Variants in FNBP1L observed in about 807,000 individuals in gnomAD.
FNBP1L encodes formin-binding protein 1-like.
Under a neutral mutation model 91.2 loss-of-function variants are expected in FNBP1L, and 36 were observed. The observed-to-expected ratio is 0.39, with a 90% CI of 0.30 to 0.52. The LOEUF (loss-of-function observed/expected upper bound fraction) is 0.52. Ranked by LOEUF, FNBP1L falls within the 20% of genes least tolerant of loss-of-function variation. FNBP1L has a pLI of 0.66. For missense variants in FNBP1L, 571 were observed against 732.1 expected, an observed-to-expected ratio of 0.78 and a Z score of 2.54; for synonymous variants, 242 against 237.0, an observed-to-expected ratio of 1.02 and a Z score of -0.19.
At chr1:93,461,374 G>C (rs1490286490) in intron 1 of FNBP1L, among the ~76,000 whole-genome samples, 1 of 151,962 alleles carries the variant, frequency 6.6e-6, no homozygotes, top group African/African-American at 2.4e-5. Context: ...TCTTAATCAG[G>C]TGCTTAAACA....
At chr1:93,532,423 C>T (rs981419327) in intron 7 of FNBP1L, among the ~76,000 whole-genome samples, 2 of 144,986 alleles carry the variant, frequency 1.4e-5, no homozygotes, top group African/African-American at 5.1e-5. Context: ...GCCGAGATCG[C>T]GCAACTGCAC....
chr1:93,459,978 T>TGTGTGTGTGTGTG (rs1557774003), intron 1 of FNBP1L, among the ~76,000 whole-genome samples: 26 of 125,632 alleles, frequency 2.1e-4, no homozygotes, highest in South Asian at 1.0e-3. Flanking sequence ...TGTGTGTGTG[T>TGTGTGTGTGTGTG]TTTTGGGATA....
intron 1 of FNBP1L, among the ~76,000 whole-genome samples, chr1:93,451,290 T>G (rs956814026): frequency 1.3e-5 from 2 of 152,142 alleles, no homozygotes; most frequent in African/African-American, 4.8e-5. Context: ...ATAGGGACAT[T>G]AGAGATTGGA....
intron 1 of FNBP1L, among the ~76,000 whole-genome samples, chr1:93,470,830 G>A (rs1028014908): frequency 1.4e-5 from 2 of 147,316 alleles, no homozygotes; most frequent in Non-Finnish European, 3.0e-5. Context: ...CAGAGATCGT[G>A]CCACTGCACT....
At chr1:93,512,402 C>T (rs1404665068) in intron 2 of FNBP1L, among the ~76,000 whole-genome samples, 1 of 151,574 alleles carries the variant, frequency 6.6e-6, no homozygotes, top group African/African-American at 2.4e-5. Context: ...GAATTGAACT[C>T]AGCTCTGCAC....
chr1:93,459,518 C>T (rs973082082), intron 1 of FNBP1L, among the ~76,000 whole-genome samples: 2 of 151,908 alleles, frequency 1.3e-5, no homozygotes, highest in African/African-American at 2.4e-5. Flanking sequence ...ATTAAAGCCC[C>T]GATGAGATAC....
At chr1:93,540,501 AT>A (rs1672001554) in intron 10 of FNBP1L, among the ~76,000 whole-genome samples, 1 of 152,156 alleles carries the variant, frequency 6.6e-6, no homozygotes. Flanking sequence ...ATTTTAAAAG[AT>A]TTTAAAATGA....
chr1:93,517,791 T>C (rs1382255602), intron 2 of FNBP1L, among the ~76,000 whole-genome samples: 1 of 151,616 alleles, frequency 6.6e-6, no homozygotes, highest in Non-Finnish European at 1.5e-5. Context: ...TTTCATTTCA[T>C]ACTTCTTCAG....
At chr1:93,457,027 A>C (rs1275310172) in intron 1 of FNBP1L, among the ~76,000 whole-genome samples, 1 of 152,006 alleles carries the variant, frequency 6.6e-6, no homozygotes, top group East Asian at 1.9e-4. Context: ...TAGCAGGACT[A>C]CAGGTGCTTG....
At chr1:93,475,026 C>T (rs974540548) in intron 1 of FNBP1L, among the ~76,000 whole-genome samples, 2 of 151,836 alleles carry the variant, frequency 1.3e-5, no homozygotes, top group East Asian at 1.9e-4. Flanking sequence ...AGAACTAGAG[C>T]CAAGGTCATT....
Position 93,502,506 on chromosome 1 carries a change from A to T in FNBP1L, c.140+2923A>T, listed in dbSNP as rs1670469527. 3.3e-5 allele frequency among the ~76,000 whole-genome samples: 5 copies of T among 152,294 alleles called. No homozygotes were observed. The South Asian group carries it at 1.0e-3, about 32-fold the overall frequency. ...GGGTTTTGCTAGTGTAACAGGACTC[A>T]TCTAATCAAATGGCAGACTTGTTTG... On this transcript the variant is annotated intron_variant, in intron 2 of 16. Transcript: ENST00000271234.
chr1:93,463,193 T>C (rs1172176834), intron 1 of FNBP1L, among the ~76,000 whole-genome samples: 2 of 152,186 alleles, frequency 1.3e-5, no homozygotes, highest in African/African-American at 2.4e-5. Context: ...TCTGGGACTG[T>C]AAGATATGTG....
chr1:93,512,149 C>T (rs937732874), intron 2 of FNBP1L, among the ~76,000 whole-genome samples: 79 of 152,020 alleles, frequency 5.2e-4, no homozygotes, highest in African/African-American at 1.8e-3. Flanking sequence ...AGACTTTAAA[C>T]CAACAAAGAT....
At chr1:93,538,674 A>G (rs952480915) in intron 10 of FNBP1L, among the ~76,000 whole-genome samples, 6 of 152,004 alleles carry the variant, frequency 3.9e-5, no homozygotes, top group Non-Finnish European at 7.4e-5. Flanking sequence ...GAAGAAGGTA[A>G]GCTTTAGTAA....
At chr1:93,472,907 G>A (rs187219953) in intron 1 of FNBP1L, among the ~76,000 whole-genome samples, 2 of 145,770 alleles carry the variant, frequency 1.4e-5, no homozygotes, top group South Asian at 2.2e-4. Flanking sequence ...TTGCATTATC[G>A]TGCTATTCTC....
rs1672482866 is a variant in FNBP1L, at chr1:93,553,441, T to C, written c.*1025T>C. 3 of 152,670 alleles carry C rather than the reference T, an allele frequency of 2.0e-5. No homozygotes were observed. The South Asian group carries it at 6.2e-4, about 32-fold the overall frequency. The allele number at this position is 152,670 out of a possible 1,614,324, so 9.5% of individuals were successfully genotyped here. Reference sequence around the variant, plus strand: ...AGCCTCGGTAGGTGGCTATTAGAGCTCTACCATATACAGTGGTGCATCTTC... The same window carrying C: ...AGCCTCGGTAGGTGGCTATTAGAGCCCTACCATATACAGTGGTGCATCTTC... On this transcript the variant is annotated 3_prime_UTR_variant, in exon 17 of 17. Transcript: ENST00000271234.
chr1:93,521,728 G>A (rs532869295), intron 2 of FNBP1L, among the ~76,000 whole-genome samples: 9 of 152,062 alleles, frequency 5.9e-5, no homozygotes, highest in East Asian at 1.9e-4. Context: ...TTTTTGACCC[G>A]TCGTTGAATC....
chr1:93,480,355 ACT>A (rs904186758), intron 1 of FNBP1L, among the ~76,000 whole-genome samples: 12 of 152,228 alleles, frequency 7.9e-5, no homozygotes, highest in Admixed American at 2.0e-4. Flanking sequence ...GAGTGGAAAG[ACT>A]CTCCAAAAAT....
At chr1:93,529,558 T>A (rs1208212865) in intron 5 of FNBP1L, 94 bp from the exon 6 acceptor site, 2 of 721,480 alleles carry the variant, frequency 2.8e-6, no homozygotes, top group African/African-American at 3.7e-5. Flanking sequence ...GTCATCTATG[T>A]TAGTTATTTC....
Sources: gnomAD v4.1 joint callset for allele counts (sites outside exome capture counted in the v4.1 genomes callset) on GRCh38, gnomAD v4.1.1 for gene constraint, MANE v1.5 for transcripts, NCBI Gene and HGNC (gene_info 2026-07-23, HGNC 2026-07-21) for gene names.